ATG10: variants seen among roughly 807,000 people sequenced by gnomAD.
The protein encoded by ATG10 is ubiquitin-like-conjugating enzyme ATG10.
A neutral mutation model predicts 32.1 loss-of-function variants in ATG10; 30 were observed. The ratio of observed to expected loss-of-function variants is 0.94; its 90% CI spans 0.70 to 1.27. The LOEUF (loss-of-function observed/expected upper bound fraction) is 1.27, where lower values mean the gene tolerates loss of function less well. ATG10 is among the 50% of genes most tolerant of loss of function. The pLI is 0.00. For missense variants in ATG10, 233 were observed against 262.3 expected (o/e 0.89, Z 0.77); for synonymous variants, 87 against 91.5 (o/e 0.95, Z 0.28).
intron 5 of ATG10, among the ~76,000 whole-genome samples, chr5:82,250,488 G>A (rs1747211401): frequency 6.6e-6 from 1 of 152,112 alleles, no homozygotes; most frequent in Non-Finnish European, 1.5e-5. Flanking sequence ...TCTTCTCACT[G>A]TATCCCCACA....
At chr5:82,175,558 T>A (rs1358810571) in intron 4 of ATG10, among the ~76,000 whole-genome samples, 3 of 152,226 alleles carry the variant, frequency 2.0e-5, no homozygotes, top group African/African-American at 7.2e-5. Flanking sequence ...TGTATGTACG[T>A]GAATTATATC....
Position 82,097,104 on chromosome 5 carries a change from G to A in ATG10, c.216+38502G>A, listed in dbSNP as rs74680897. Among the ~76,000 whole-genome samples the A allele has an allele frequency of 2.0e-5, 3 of 152,096 alleles. No individual in the cohort carries two copies. The East Asian group carries it at 5.8e-4, about 29-fold the overall frequency. On this transcript the variant is annotated intron_variant, in intron 3 of 7. Coordinates refer to ENST00000282185, the MANE Select transcript of ATG10 (RefSeq NM_031482.5). ...TAAAATATCTTTTGTTATATGTTTT[G>A]TAGAACAGAGTTTTTAGTCAACCTT...
chr5:82,086,063 G>T (rs991578797), intron 3 of ATG10, among the ~76,000 whole-genome samples: 3 of 151,892 alleles, frequency 2.0e-5, no homozygotes, highest in Non-Finnish European at 4.4e-5. Context: ...TTCTTAACTG[G>T]GTCAATGATA....
At chr5:82,059,317 A>T (rs1401316018) in intron 3 of ATG10, among the ~76,000 whole-genome samples, 1 of 152,172 alleles carries the variant, frequency 6.6e-6, no homozygotes, top group African/African-American at 2.4e-5. Flanking sequence ...ATTTAAAAAT[A>T]TCCCATATGT....
intron 2 of ATG10, among the ~76,000 whole-genome samples, chr5:82,021,040 A>AT (rs957068986): frequency 8.5e-5 from 13 of 152,324 alleles, no homozygotes; most frequent in Admixed American, 7.2e-4. Context: ...TACTTCTTTT[A>AT]TAGATGTATT....
intron 5 of ATG10, among the ~76,000 whole-genome samples, chr5:82,207,336 T>C (rs983296834): frequency 6.6e-6 from 1 of 152,244 alleles, no homozygotes; most frequent in African/African-American, 2.4e-5. Flanking sequence ...ATTGTCAGTC[T>C]TTTTAAATTT....
At chr5:82,086,239 T>A (rs1440772809) in intron 3 of ATG10, among the ~76,000 whole-genome samples, 1 of 152,190 alleles carries the variant, frequency 6.6e-6, no homozygotes, top group Non-Finnish European at 1.5e-5. Context: ...AAGCTACATA[T>A]TTTAATAAAC....
rs1230077465 is a variant in ATG10, at chr5:82,230,933, GTATA to G, written c.454-21625_454-21622del. On this transcript the variant is annotated intron_variant, in intron 5 of 7. Coordinates refer to ENST00000282185, the MANE Select transcript of ATG10 (RefSeq NM_031482.5). ...TAAGAGGAATAATGGAGTCACAAAA[GTATA>G]TATTCACTATGTGCATAACTGATAG... is the stretch of plus-strand genomic sequence containing the variant. Among the ~76,000 whole-genome samples, 9 of 152,022 alleles carry G rather than the reference GTATA, an allele frequency of 5.9e-5. No individual in the cohort carries two copies. In the South Asian group the frequency reaches 1.4e-3, roughly 24 times the overall value.
chr5:82,111,528 G>C (rs903369223), intron 3 of ATG10: 2 of 151,806 alleles, frequency 1.3e-5, no homozygotes, highest in Admixed American at 1.3e-4. Context: ...TTTTGTATGT[G>C]ATTTTCGATT....
intron 3 of ATG10, among the ~76,000 whole-genome samples, chr5:82,109,628 T>C (rs1490731865): frequency 6.6e-6 from 1 of 151,816 alleles, no homozygotes; most frequent in Admixed American, 6.6e-5. Flanking sequence ...ATGTTCACTA[T>C]AAAAAATTCA....
chr5:82,210,178 G>C (rs1283330459), intron 5 of ATG10, among the ~76,000 whole-genome samples: 1 of 152,092 alleles, frequency 6.6e-6, no homozygotes, highest in Non-Finnish European at 1.5e-5. Context: ...TCTTTTCATA[G>C]AAATGTGTAT....
At chr5:82,067,370 A>G (rs1464503851) in intron 3 of ATG10, among the ~76,000 whole-genome samples, 5 of 152,170 alleles carry the variant, frequency 3.3e-5, no homozygotes, top group Admixed American at 2.6e-4. Flanking sequence ...GTATATAACA[A>G]AAGTGTTTGT....
chr5:82,031,605 C>G (rs576708341), intron 2 of ATG10, among the ~76,000 whole-genome samples: 1 of 152,320 alleles, frequency 6.6e-6, no homozygotes, highest in South Asian at 2.1e-4. Context: ...AAAACACATG[C>G]AAATGCAGTA....
rs1408308693 is a variant in ATG10 at position 82,170,071 on chromosome 5, T to G, written c.355+5534T>G. ...AGCTAGTTAGCCAAAAGGTTTATTC[T>G]AAGCAGAATATTGCTTAGCCACATA... On this transcript the variant is annotated intron_variant, in intron 4 of 7. Coordinates refer to ENST00000282185, the MANE Select transcript of ATG10 (RefSeq NM_031482.5). Among the ~76,000 whole-genome samples, 6 of 152,244 alleles carry G rather than the reference T, an allele frequency of 3.9e-5. No individual in the cohort carries two copies. In the East Asian group the frequency reaches 9.6e-4, roughly 24 times the overall value.
At chr5:82,079,305 C>T (rs747472830) in intron 3 of ATG10, among the ~76,000 whole-genome samples, 59 of 151,738 alleles carry the variant, frequency 3.9e-4, no homozygotes, top group Non-Finnish European at 7.9e-4. Context: ...GCAAGGGGAA[C>T]AAGTCACATC....
At position 82,015,618 on chromosome 5, in the gene ATG10, T is replaced by A. The variant is rs577923474; in HGVS notation, c.108+27940T>A. ...ATACCCTTTCTTCCAGTTGATCGAA[T>A]CAGCTACTGAAGCTTGTGCATTCAT... On this transcript the variant is annotated intron_variant, in intron 2 of 7. Transcript: ENST00000282185. 4.6e-5 allele frequency among the ~76,000 whole-genome samples: 7 copies of A among 152,378 alleles called. No individual in the cohort carries two copies. In the East Asian group the frequency reaches 1.3e-3, roughly 29 times the overall value.
chr5:82,205,706 A>C (rs1239728578), intron 5 of ATG10, among the ~76,000 whole-genome samples: 1 of 152,210 alleles, frequency 6.6e-6, no homozygotes, highest in African/African-American at 2.4e-5. Context: ...ACTTCTTTCC[A>C]TGGGGAGATG....
chr5:82,049,225 A>C (rs941066320), intron 2 of ATG10, among the ~76,000 whole-genome samples: 3 of 152,050 alleles, frequency 2.0e-5, no homozygotes, highest in African/African-American at 7.3e-5. Flanking sequence ...GCCATAAAAA[A>C]TGATGAGTTC....
intron 5 of ATG10, among the ~76,000 whole-genome samples, chr5:82,183,006 A>G (rs1744294245): frequency 6.6e-6 from 1 of 152,040 alleles, no homozygotes; most frequent in African/African-American, 2.4e-5. Context: ...TGGCCTTTCA[A>G]AGTGATGGGA....
Sources: gnomAD v4.1 joint callset for allele counts (sites outside exome capture counted in the v4.1 genomes callset) on GRCh38, gnomAD v4.1.1 for gene constraint, MANE v1.5 for transcripts, NCBI Gene and HGNC (gene_info 2026-07-23, HGNC 2026-07-21) for gene names.